Variants in CCDC15 observed in about 807,000 individuals in gnomAD.
The protein encoded by CCDC15 is coiled-coil domain-containing protein 15.
Under a neutral mutation model 114.5 loss-of-function variants are expected in CCDC15, and 105 were observed. The ratio of observed to expected loss-of-function variants is 0.92; its 90% CI spans 0.78 to 1.08. The LOEUF (loss-of-function observed/expected upper bound fraction) is 1.08, where lower values mean the gene tolerates loss of function less well. CCDC15 is among the 50% of genes least tolerant of loss of function. The pLI, the probability that CCDC15 is intolerant of heterozygous loss-of-function variation, is 0.00. For missense variants in CCDC15, 1,105 were observed against 1,093.6 expected, an observed-to-expected ratio of 1.01 and a Z score of -0.15; for synonymous variants, 334 against 377.8, an observed-to-expected ratio of 0.88 and a Z score of 1.34.
At chr11:124,979,194 G>A (rs1009946041) in intron 6 of CCDC15, among the ~76,000 whole-genome samples, 1 of 152,144 alleles carries the variant, frequency 6.6e-6, no homozygotes, top group Admixed American at 6.5e-5. Flanking sequence ...GGTTACTGTA[G>A]CCTTGTAGTG....
At chr11:125,008,521 T>G (rs577821536) in intron 13 of CCDC15, among the ~76,000 whole-genome samples, 1 of 152,284 alleles carries the variant, frequency 6.6e-6, no homozygotes, top group African/African-American at 2.4e-5. Context: ...TTCGTTGCCT[T>G]ATTTCATTAG....
At chr11:125,034,659 T>C (rs1438926872) in intron 13 of CCDC15, among the ~76,000 whole-genome samples, 3 of 152,186 alleles carry the variant, frequency 2.0e-5, no homozygotes, top group Non-Finnish European at 4.4e-5. Context: ...CTCCTTGCCT[T>C]TCATGAGCAG....
At chr11:124,964,625 C>T (rs574574121) in intron 4 of CCDC15, among the ~76,000 whole-genome samples, 68 of 152,194 alleles carry the variant, frequency 4.5e-4, no homozygotes, top group African/African-American at 1.6e-3. Context: ...AATTGAATAC[C>T]CTTTATGTCT....
chr11:125,039,311 G>T (rs899706580), intron 15 of CCDC15: 7 of 391,444 alleles, frequency 1.8e-5, no homozygotes, highest in Non-Finnish European at 2.7e-5. Context: ...TTCTACTGTA[G>T]GAGGTCTTGA....
rs1447535708 is a variant in CCDC15 at position 124,987,631 on chromosome 11, G to C, written c.1405G>C (p.Asp469His). Residue 469 changes from aspartate to histidine, a missense_variant, in exon 8 of 16, where the codon GAC becomes CAC. By Grantham distance (81) the Asp-to-His change is moderately conservative. Transcript: ENST00000344762. ...KDQDILPKYQ[D>H]QNFLPKDQNF... ...CCAAGATATTCTGCCAAAATATCAGGACCAGAATTTTCTACCTAAGGACCA... is the reference window on the plus strand; with the variant it reads ...CCAAGATATTCTGCCAAAATATCAGCACCAGAATTTTCTACCTAAGGACCA... 6.2e-7 allele frequency: 1 copy of C among 1,613,296 alleles called. No individual in the cohort carries two copies. Among genetic ancestry groups the C allele is most frequent in the African/African-American group, 1.3e-5 (1 of 74,714 alleles).
chr11:124,998,390 C>T (rs147026577), intron 11 of CCDC15, among the ~76,000 whole-genome samples: 4 of 151,894 alleles, frequency 2.6e-5, no homozygotes, highest in South Asian at 2.1e-4. Context: ...AGGTAAATTC[C>T]GTTCTATTAT....
At chr11:124,966,619 T>C (rs1310852215) in intron 4 of CCDC15, among the ~76,000 whole-genome samples, 1 of 152,264 alleles carries the variant, frequency 6.6e-6, no homozygotes, top group African/African-American at 2.4e-5. Flanking sequence ...TGTCTTTTAA[T>C]TGGGGCATTT....
chr11:125,013,981 C>T (rs1374308839), intron 13 of CCDC15, among the ~76,000 whole-genome samples: 1 of 152,016 alleles, frequency 6.6e-6, no homozygotes, highest in Non-Finnish European at 1.5e-5. Context: ...CAGTGTTCTC[C>T]TCAAGACATT....
rs759642031 is a variant in CCDC15, at chr11:124,991,472, T to A, written c.1920T>A (p.Phe640Leu). Residue 640 changes from phenylalanine to leucine, a missense_variant, in exon 9 of 16, where the codon TTT becomes TTA. Coordinates refer to ENST00000344762, the MANE Select transcript of CCDC15 (RefSeq NM_025004.3). ...ATTTTATCTTTTAGAAAGTACACTT[T>A]AAGGAGCCATACTCTGATATGACAG... Reference protein sequence around the residue: ...DFLPKYQKVHFKEPYSDMTDE... With the variant: ...DFLPKYQKVHLKEPYSDMTDE... 6.4e-7 allele frequency: 1 copy of A among 1,563,910 alleles called. No individual in the cohort carries two copies. The highest frequency in any genetic ancestry group is 8.7e-7 in the Non-Finnish European group (1 of 1,145,692).
intron 4 of CCDC15, among the ~76,000 whole-genome samples, chr11:124,968,890 C>G (rs1001033518): frequency 6.6e-6 from 1 of 152,102 alleles, no homozygotes; most frequent in Admixed American, 6.6e-5. Context: ...TCAGACTGAT[C>G]ATTTTATTTT....
intron 13 of CCDC15, among the ~76,000 whole-genome samples, chr11:125,025,840 C>T (rs1461318921): frequency 6.6e-6 from 1 of 151,896 alleles, no homozygotes; most frequent in Non-Finnish European, 1.5e-5. Flanking sequence ...AATTTATATC[C>T]TTTATTCATT....
intron 13 of CCDC15, among the ~76,000 whole-genome samples, chr11:125,024,646 T>C (rs1948683185): frequency 6.6e-6 from 1 of 152,106 alleles, no homozygotes; most frequent in African/African-American, 2.4e-5. Context: ...TTTTTGGATA[T>C]GGATCCTGTT....
At chr11:124,955,961 C>T (rs1001366710) in intron 2 of CCDC15, among the ~76,000 whole-genome samples, 6 of 151,724 alleles carry the variant, frequency 4.0e-5, no homozygotes, top group African/African-American at 7.3e-5. Context: ...AGAATTTGAT[C>T]GGAGAAGGGA....
At chr11:125,012,573 G>C (rs183808853) in intron 13 of CCDC15, among the ~76,000 whole-genome samples, 1 of 152,146 alleles carries the variant, frequency 6.6e-6, no homozygotes, top group Admixed American at 6.6e-5. Context: ...AGGGATTAAC[G>C]ATTTTATCTG....
intron 4 of CCDC15, 127 bp downstream of exon 4, chr11:124,960,130 T>C (rs1947632782): frequency 2.0e-6 from 1 of 505,596 alleles, no homozygotes; most frequent in Non-Finnish European, 2.9e-6. Context: ...TTGATAATCA[T>C]CCCCCTTTTT....
chr11:124,992,610 G>A lies in CCDC15; in HGVS notation c.2062G>A (p.Val688Met), dbSNP rs773102448. The A allele has an allele frequency of 5.6e-6, 9 of 1,599,842 alleles. No individual in the cohort carries two copies. The East Asian group carries it at 1.8e-4, about 32-fold the overall frequency. The change falls in exon 10 of 16, where the codon GTG (valine) becomes ATG (methionine). Residue 688 changes from valine (V) to methionine (M), a missense_variant. Val to Met is a conservative substitution (Grantham distance 21). Transcript: ENST00000344762. ...QPASFMREER[V>M]REELPLDYHQ... ...TGCATCTTTTATGAGAGAAGAAAGAGTGAGAGAAGAATTGCCTCTGGACTA... is the reference window on the plus strand; with the variant it reads ...TGCATCTTTTATGAGAGAAGAAAGAATGAGAGAAGAATTGCCTCTGGACTA...
At chr11:124,956,772 A>G (rs1427146670) in intron 2 of CCDC15, among the ~76,000 whole-genome samples, 1 of 152,240 alleles carries the variant, frequency 6.6e-6, no homozygotes, top group Non-Finnish European at 1.5e-5. Flanking sequence ...AGCATCTAAT[A>G]GAACTCCTTA....
intron 4 of CCDC15, among the ~76,000 whole-genome samples, chr11:124,973,185 T>TG (rs1947912565): frequency 6.6e-6 from 1 of 152,194 alleles, no homozygotes; most frequent in Admixed American, 6.5e-5. Context: ...TAAGGGCCTA[T>TG]AATCAATGTG....
intron 9 of CCDC15, among the ~76,000 whole-genome samples, chr11:124,992,217 G>A (rs761473667): frequency 3.3e-5 from 5 of 152,162 alleles, no homozygotes; most frequent in African/African-American, 9.7e-5. Context: ...TGAGGCTGAT[G>A]TATCACGTTC....
Sources: gnomAD v4.1 joint callset for allele counts (sites outside exome capture counted in the v4.1 genomes callset) on GRCh38, gnomAD v4.1.1 for gene constraint, MANE v1.5 for transcripts, NCBI Gene and HGNC (gene_info 2026-07-23, HGNC 2026-07-21) for gene names.